PANK3: variants seen among roughly 807,000 people sequenced by gnomAD.
PANK3 encodes the protein hPanK3.
In PANK3, 20 loss-of-function variants were observed where a neutral mutation model predicts 39.4. The ratio of observed to expected loss-of-function variants is 0.51; its 90% CI spans 0.36 to 0.74. PANK3 has a LOEUF of 0.74. PANK3 is among the 30% of genes least tolerant of loss of function. The pLI is 0.00. For missense variants in PANK3, 265 were observed against 437.0 expected, an observed-to-expected ratio of 0.61 and a Z score of 3.51; for synonymous variants, 140 against 157.3, an observed-to-expected ratio of 0.89 and a Z score of 0.82.
At position 168,552,943 on chromosome 5, in the gene PANK3, G is replaced by T; in HGVS notation, c.*4628C>A. The stretch of plus-strand genomic sequence containing the variant: ...AATGACAGTGGGTTGTTGGTAGCTG[G>T]GTACTCTAAAGAGCGCCAGTGTAGT... On this transcript the variant is annotated 3_prime_UTR_variant, in exon 7 of 7. Transcript: ENST00000239231. 1 of 208,966 alleles carries T rather than the reference G, an allele frequency of 4.8e-6. No individual in the cohort carries two copies. Among genetic ancestry groups the T allele is most frequent in the South Asian group, 8.7e-5 (1 of 11,516 alleles). The allele number at this position is 208,966 out of a possible 1,614,324, so 12.9% of individuals were successfully genotyped here.
chr5:168,579,162 C>A, intron 1 of PANK3, 94 bp downstream of exon 1: 2 of 1,183,420 alleles, frequency 1.7e-6, no homozygotes, highest in South Asian at 3.5e-5. Flanking sequence ...CGGCGAGGAG[C>A]GACGGGCTTG....
At chr5:168,565,353 G>A (rs1759507097) in intron 3 of PANK3, among the ~76,000 whole-genome samples, 1 of 151,870 alleles carries the variant, frequency 6.6e-6, no homozygotes, top group Admixed American at 6.6e-5. Context: ...AAAAGTATGT[G>A]GGCTATTTGG....
chr5:168,575,107 C>T (rs1321074155), intron 1 of PANK3, among the ~76,000 whole-genome samples: 1 of 152,008 alleles, frequency 6.6e-6, no homozygotes, highest in Non-Finnish European at 1.5e-5. Flanking sequence ...AATATAAGCA[C>T]TTTGATGATG....
intron 1 of PANK3, among the ~76,000 whole-genome samples, chr5:168,576,318 A>C (rs186113136): frequency 4.5e-4 from 68 of 152,318 alleles, no homozygotes; most frequent in Non-Finnish European, 7.5e-4. Context: ...ACAAACTCAA[A>C]ACCTACATCA....
At chr5:168,574,655 A>G (rs1759703293) in intron 1 of PANK3, among the ~76,000 whole-genome samples, 1 of 152,092 alleles carries the variant, frequency 6.6e-6, no homozygotes, top group Non-Finnish European at 1.5e-5. Flanking sequence ...TGAGGTCGGG[A>G]GTTCGGACAA....
chr5:168,569,692 G>A (rs11951670), intron 1 of PANK3, among the ~76,000 whole-genome samples: 3,900 of 152,014 alleles, frequency 0.026, 137 homozygotes, highest in African/African-American at 0.08. Context: ...GTTTCTATAA[G>A]CATTTTAATA....
At position 168,573,476 on chromosome 5, in the gene PANK3, G is replaced by C. The variant is rs1383733248; in HGVS notation, c.29-4478C>G. Among the ~76,000 whole-genome samples, 6 of 82,824 alleles carry C rather than the reference G, an allele frequency of 7.2e-5. No homozygotes were observed. In the South Asian group the frequency reaches 2.4e-3, roughly 33 times the overall value. The allele number at this position is 82,824 out of a possible 152,430, so 54.3% of individuals were successfully genotyped here. On this transcript the variant is annotated intron_variant, in intron 1 of 6. Transcript: ENST00000239231. ...CAAAGAAGGCAGCACAAACAGAAGA[G>C]ACATAAATTCTCAATTATGATACAC...
rs145432840 is a variant in PANK3 at position 168,571,096 on chromosome 5, T to C, written c.29-2098A>G. ...AGATTATACTATAGTCAGATCTAAA[T>C]GGCATTTGAAAATGACTGGCTTTGG... On this transcript the variant is annotated intron_variant, in intron 1 of 6. Transcript: ENST00000239231. 2.4e-3 allele frequency among the ~76,000 whole-genome samples: 370 copies of C among 152,322 alleles called. 1 individual carries two copies. Among genetic ancestry groups the C allele is most frequent in the African/African-American group, 8.4e-3 (350 of 41,574 alleles).
Position 168,579,340 on chromosome 5 carries a change from C to G in PANK3, c.-57G>C, listed in dbSNP as rs1759791730. 1 of 1,386,214 alleles carries G rather than the reference C, an allele frequency of 7.2e-7. No individual in the cohort carries two copies. Among genetic ancestry groups the G allele is most frequent in the Non-Finnish European group, 9.5e-7 (1 of 1,057,692 alleles). 85.9% of individuals were successfully genotyped at this position (1,386,214 alleles called of 1,614,324 possible). A position where few individuals can be genotyped will look rare whatever the true frequency, so the allele number is the denominator to read the frequency against. On this transcript the variant is annotated 5_prime_UTR_variant, in exon 1 of 7. Transcript: ENST00000239231. The stretch of plus-strand genomic sequence containing the variant: ...CGATCCGGGGCACTGAGAGCAGAGG[C>G]GGCGACTCCGGAGGTGGCTGGGCCG...
intron 1 of PANK3, 36 bp from the exon 2 acceptor site, chr5:168,569,034 T>C (rs763885958): frequency 6.9e-6 from 2 of 288,138 alleles, no homozygotes; most frequent in Non-Finnish European, 1.1e-5. Context: ...AAAAAAAATA[T>C]ATATATATAT....
At chr5:168,576,830 A>G (rs1250802491) in intron 1 of PANK3, among the ~76,000 whole-genome samples, 1 of 151,958 alleles carries the variant, frequency 6.6e-6, no homozygotes, top group Non-Finnish European at 1.5e-5. Context: ...CAAAACAAAT[A>G]TATCTTTTGT....
chr5:168,577,082 T>C (rs1759743497), intron 1 of PANK3, among the ~76,000 whole-genome samples: 1 of 151,352 alleles, frequency 6.6e-6, no homozygotes. Flanking sequence ...GGTTTCACCA[T>C]GTTGGTCAGG....
At chr5:168,576,449 G>A (rs969714702) in intron 1 of PANK3, among the ~76,000 whole-genome samples, 1 of 152,180 alleles carries the variant, frequency 6.6e-6, no homozygotes, top group Non-Finnish European at 1.5e-5. Context: ...GGCAGGCAGG[G>A]AAGAGAGTAA....
In PANK3 at chr5:168,549,028, G is replaced by A. The variant is rs746945872; in HGVS notation, c.*8543C>T. 6.6e-6 allele frequency: 1 copy of A among 152,146 alleles called. No individual in the cohort carries two copies. Among genetic ancestry groups the A allele is most frequent in the African/African-American group, 2.4e-5 (1 of 41,426 alleles). The allele number at this position is 152,146 out of a possible 1,614,324, so 9.4% of individuals were successfully genotyped here. A position where few individuals can be genotyped will look rare whatever the true frequency, so the allele number is the denominator to read the frequency against. ...ATTGGGACATAATAACATCTTCTGA[G>A]TACACTTTGGTCAATAACTGGTCAT... On this transcript the variant is annotated 3_prime_UTR_variant, in exon 7 of 7. Transcript: ENST00000239231.
chr5:168,557,412 C>T lies in PANK3; in HGVS notation c.*159G>A, dbSNP rs538042256. 38 of 631,582 alleles carry T rather than the reference C, an allele frequency of 6.0e-5. No homozygotes were observed. In the African/African-American group the frequency reaches 6.4e-4, roughly 11 times the overall value. The allele number at this position is 631,582 out of a possible 1,614,324, so 39.1% of individuals were successfully genotyped here. On this transcript the variant is annotated 3_prime_UTR_variant, in exon 7 of 7. Transcript: ENST00000239231. Reference sequence around the variant, plus strand: ...AGGGAAAGCATTTCAATGAGAAATACTTCACGTTACCAAGTTCTCTCCTTT... The same window carrying T: ...AGGGAAAGCATTTCAATGAGAAATATTTCACGTTACCAAGTTCTCTCCTTT...
intron 1 of PANK3, among the ~76,000 whole-genome samples, chr5:168,570,357 C>G (rs1329040517): frequency 1.3e-5 from 2 of 148,858 alleles, no homozygotes; most frequent in Non-Finnish European, 3.0e-5. Context: ...TGCACTCCAG[C>G]CTGGGCGACG....
intron 2 of PANK3, among the ~76,000 whole-genome samples, chr5:168,566,986 C>T (rs1476362052): frequency 2.6e-5 from 4 of 152,192 alleles, no homozygotes; most frequent in Non-Finnish European, 5.9e-5. Flanking sequence ...TCAAGTGATC[C>T]GCCCACCTTG....
In PANK3 at chr5:168,556,521, CT is replaced by C. The variant is rs1479370572; in HGVS notation, c.*1049del. ...TAGTTATCAGGTCTCACCATTCCCT[CT>C]GGTTGTTGAGCCTTTGGATAAAAAT... On this transcript the variant is annotated 3_prime_UTR_variant, in exon 7 of 7. Coordinates refer to ENST00000239231, the MANE Select transcript of PANK3 (RefSeq NM_024594.4). 8 of 152,668 alleles carry C rather than the reference CT, an allele frequency of 5.2e-5. No individual in the cohort carries two copies. The highest frequency in any genetic ancestry group is 1.9e-4 in the African/African-American group (8 of 41,540). The allele number at this position is 152,668 out of a possible 1,614,324, so 9.5% of individuals were successfully genotyped here. A position where few individuals can be genotyped will look rare whatever the true frequency, so the allele number is the denominator to read the frequency against.
chr5:168,563,210 T>C (rs566374144), intron 4 of PANK3, among the ~76,000 whole-genome samples: 2 of 152,218 alleles, frequency 1.3e-5, no homozygotes, highest in East Asian at 3.9e-4. Flanking sequence ...CCAGAAGCCA[T>C]AAAAGAAAAG....
Sources: gnomAD v4.1 joint callset for allele counts (sites outside exome capture counted in the v4.1 genomes callset) on GRCh38, gnomAD v4.1.1 for gene constraint, MANE v1.5 for transcripts, NCBI Gene and HGNC (gene_info 2026-07-23, HGNC 2026-07-21) for gene names.